ZFPM2: variants seen among roughly 807,000 people sequenced by gnomAD.
ZFPM2 encodes the protein zinc finger protein ZFPM2.
Under a neutral mutation model 98.6 loss-of-function variants are expected in ZFPM2, and 20 were observed. That is an observed-to-expected ratio of 0.20 (90% confidence interval 0.14 to 0.29). ZFPM2 has a LOEUF of 0.29. ZFPM2 is among the 10% of genes least tolerant of loss of function. ZFPM2 has a pLI of 1.00. For synonymous variants in ZFPM2, 518 were observed against 502.7 expected (o/e 1.03, Z -0.41); for missense variants, 1,310 against 1,388.6 (o/e 0.94, Z 0.90).
At chr8:105,754,610 G>A (rs1812551769) in intron 5 of ZFPM2, among the ~76,000 whole-genome samples, 1 of 152,006 alleles carries the variant, frequency 6.6e-6, no homozygotes, top group African/African-American at 2.4e-5. Flanking sequence ...ACGACCTGCG[G>A]TTCTCAGTTG....
chr8:105,583,972 T>C (rs1164463767), intron 4 of ZFPM2, among the ~76,000 whole-genome samples: 19 of 152,218 alleles, frequency 1.2e-4, no homozygotes, highest in Admixed American at 1.2e-3. Context: ...CGTGATAAGA[T>C]GGCAGGTTAA....
At chr8:105,421,582 G>A (rs955799847) in intron 2 of ZFPM2, among the ~76,000 whole-genome samples, 3 of 152,132 alleles carry the variant, frequency 2.0e-5, no homozygotes, top group Non-Finnish European at 4.4e-5. Flanking sequence ...CATCCCTTGA[G>A]GTCATGCAAG....
chr8:105,329,147 TGATTG>T (rs1296148159), intron 1 of ZFPM2, among the ~76,000 whole-genome samples: 1 of 151,794 alleles, frequency 6.6e-6, no homozygotes, highest in African/African-American at 2.4e-5. Flanking sequence ...AAAACCTGAT[TGATTG>T]ATGTCTGGCT....
intron 1 of ZFPM2, among the ~76,000 whole-genome samples, chr8:105,376,740 T>G (rs1236283927): frequency 6.6e-6 from 1 of 152,230 alleles, no homozygotes; most frequent in Non-Finnish European, 1.5e-5. Flanking sequence ...TGAATTCATC[T>G]ATTTCTGTCC....
At chr8:105,626,077 C>T (rs1386002721) in intron 4 of ZFPM2, among the ~76,000 whole-genome samples, 2 of 151,886 alleles carry the variant, frequency 1.3e-5, no homozygotes, top group Non-Finnish European at 2.9e-5. Flanking sequence ...AACTTTCACT[C>T]GGTTTAACTT....
At chr8:105,654,099 G>T (rs1817237551) in intron 5 of ZFPM2, among the ~76,000 whole-genome samples, 1 of 151,118 alleles carries the variant, frequency 6.6e-6, no homozygotes, top group South Asian at 2.1e-4. Flanking sequence ...TTGTTATTTT[G>T]CAAAACAAAA....
At chr8:105,319,667 C>G (rs1811982345) in intron 1 of ZFPM2, 3 of 152,398 alleles carry the variant, frequency 2.0e-5, no homozygotes, top group South Asian at 2.1e-4. Context: ...GACGCTCAGC[C>G]GAGCGGGGAT....
chr8:105,403,304 G>A (rs752370259), intron 1 of ZFPM2, among the ~76,000 whole-genome samples: 8 of 151,940 alleles, frequency 5.3e-5, no homozygotes, highest in African/African-American at 7.2e-5. Context: ...TCTATAATCC[G>A]TCTTCCCTGG....
At chr8:105,732,578 T>C (rs1811966252) in intron 5 of ZFPM2, among the ~76,000 whole-genome samples, 1 of 151,902 alleles carries the variant, frequency 6.6e-6, no homozygotes, top group South Asian at 2.1e-4. Flanking sequence ...GGGATGTTGC[T>C]TCTCATTAGG....
chr8:105,602,100 T>C (rs956731892), intron 4 of ZFPM2, among the ~76,000 whole-genome samples: 2 of 152,100 alleles, frequency 1.3e-5, no homozygotes, highest in Non-Finnish European at 2.9e-5. Flanking sequence ...CAGTGAGTTA[T>C]GCCCTTGACT....
At chr8:105,673,675 G>T (rs1376063223) in intron 5 of ZFPM2, among the ~76,000 whole-genome samples, 1 of 152,128 alleles carries the variant, frequency 6.6e-6, no homozygotes, top group East Asian at 1.9e-4. Flanking sequence ...AGAAAAATAC[G>T]CTCATTACTA....
At chr8:105,504,691 C>T (rs557117053) in intron 3 of ZFPM2, among the ~76,000 whole-genome samples, 4 of 151,778 alleles carry the variant, frequency 2.6e-5, no homozygotes, top group East Asian at 1.9e-4. Context: ...AGATTTAGCA[C>T]GTTAACTTGT....
At chr8:105,321,655 C>T (rs190865307) in intron 1 of ZFPM2, among the ~76,000 whole-genome samples, 1 of 151,960 alleles carries the variant, frequency 6.6e-6, no homozygotes, top group Non-Finnish European at 1.5e-5. Context: ...GTGATTTATG[C>T]AGTATTTTAA....
chr8:105,429,445 A>AATATATATATATATATATATATATAT lies in ZFPM2; in HGVS notation c.199+10163_199+10164insATATATATATATATATATATATATAT, dbSNP rs142230291. On this transcript the variant is annotated intron_variant, in intron 2 of 7. Transcript: ENST00000407775. ...AAAACGTGCACAAGTTAGACAAGGA[A>AATATATATATATATATATATATATAT]ATATATATATATATATATATGGAAA... is the stretch of plus-strand genomic sequence containing the variant. Among the ~76,000 whole-genome samples, 40 of 138,374 alleles carry AATATATATATATATATATATATATAT rather than the reference A, an allele frequency of 2.9e-4. 2 individuals are homozygous for AATATATATATATATATATATATATAT. The highest frequency in any genetic ancestry group is 1.2e-3 in the African/African-American group (37 of 32,028). 90.8% of individuals were successfully genotyped at this position (138,374 alleles called of 152,430 possible).
At chr8:105,788,621 T>G in intron 5 of ZFPM2, 97 bp from the exon 6 acceptor site, 1 of 1,213,088 alleles carries the variant, frequency 8.2e-7, no homozygotes, top group South Asian at 1.3e-5. Flanking sequence ...GAAACCAGTG[T>G]GAAAAACATG....
In ZFPM2 at chr8:105,589,597, T is replaced by C. The variant is rs144100522; in HGVS notation, c.420+28116T>C. Among the ~76,000 whole-genome samples, 988 of 152,314 alleles carry C rather than the reference T, an allele frequency of 6.5e-3. 6 individuals are homozygous for C. The highest frequency in any genetic ancestry group is 1.0e-2 in the Non-Finnish European group (679 of 68,024). On this transcript the variant is annotated intron_variant, in intron 4 of 7. Coordinates refer to ENST00000407775, the MANE Select transcript of ZFPM2 (RefSeq NM_012082.4). ...TATTTGAATTAATTACATTTGACCA[T>C]CTCTATTACTAGCCTAGTTTTGAGG...
At chr8:105,578,558 C>G (rs565699034) in intron 4 of ZFPM2, among the ~76,000 whole-genome samples, 1 of 152,154 alleles carries the variant, frequency 6.6e-6, no homozygotes, top group Non-Finnish European at 1.5e-5. Flanking sequence ...ATCTGAAAAT[C>G]TACATAATTC....
At chr8:105,595,096 A>G (rs377409100) in intron 4 of ZFPM2, among the ~76,000 whole-genome samples, 4 of 152,280 alleles carry the variant, frequency 2.6e-5, no homozygotes, top group African/African-American at 7.2e-5. Context: ...GGTTTAGAAA[A>G]GGACAAAAAT....
At chr8:105,791,558 G>C (rs1376023295) in intron 6 of ZFPM2, among the ~76,000 whole-genome samples, 1 of 151,790 alleles carries the variant, frequency 6.6e-6, no homozygotes, top group Non-Finnish European at 1.5e-5. Flanking sequence ...TCTCTTTTTT[G>C]GTTGTATCTC....
Sources: allele counts gnomAD v4.1 joint callset (sites outside exome capture counted in the v4.1 genomes callset), GRCh38; gene constraint gnomAD v4.1.1; transcripts MANE v1.5; gene names NCBI Gene and HGNC (gene_info 2026-07-23, HGNC 2026-07-21).